The following DCAF8L2 variants were observed in gnomAD, a reference collection of about 807,000 sequenced individuals.
DCAF8L2 encodes DDB1 and CUL4 associated factor 8 like 2.
For missense variants in DCAF8L2, 430 were observed against 490.7 expected (o/e 0.88, Z 1.17); for synonymous variants, 200 against 190.9 (o/e 1.05, Z -0.39).
chrX:27,551,419 T>A, the DCAF8L2 span, among the ~76,000 whole-genome samples: 1 of 111,107 alleles, frequency 9.0e-6, no homozygotes, highest in African/African-American at 3.3e-5. Flanking sequence ...AGTATGTGTT[T>A]TTTTAGACAT....
At chrX:27,622,350 A>G (rs756167228) in intron 1 of DCAF8L2, among the ~76,000 whole-genome samples, 16 of 104,959 alleles carry the variant, frequency 1.5e-4, no homozygotes, top group South Asian at 4.0e-4. Flanking sequence ...GCGTGAACCC[A>G]GGAGGCGGAG....
intron 4 of DCAF8L2, among the ~76,000 whole-genome samples, chrX:27,743,117 C>T (rs886219813): frequency 3.7e-4 from 41 of 110,864 alleles, no homozygotes; most frequent in Non-Finnish European, 1.3e-4. Flanking sequence ...GGTCTTACTC[C>T]GTGACCCAGG....
chrX:27,727,383 T>C (rs1427333638), intron 4 of DCAF8L2, among the ~76,000 whole-genome samples: 1 of 111,364 alleles, frequency 9.0e-6, no homozygotes, highest in African/African-American at 3.3e-5. Flanking sequence ...CGTTATCTTT[T>C]GGGAAATATT....
the DCAF8L2 span, among the ~76,000 whole-genome samples, chrX:27,509,522 A>C: frequency 1.8e-5 from 2 of 112,190 alleles, no homozygotes; most frequent in African/African-American, 6.5e-5. Context: ...GTTGTAAATG[A>C]AAATTTAAAA....
intron 2 of DCAF8L2, chrX:27,633,896 TTC>T (rs764277528): frequency 4.5e-5 from 5 of 111,826 alleles, no homozygotes; most frequent in Non-Finnish European, 3.8e-5. Flanking sequence ...TAGCATATTT[TTC>T]TCTCTTTCTG....
At chrX:27,536,107 C>G in the DCAF8L2 span, among the ~76,000 whole-genome samples, 3 of 111,732 alleles carry the variant, frequency 2.7e-5, no homozygotes, top group East Asian at 5.6e-4. Flanking sequence ...ATATGGCATC[C>G]CAGATAGACT....
intron 3 of DCAF8L2, among the ~76,000 whole-genome samples, chrX:27,704,644 G>A (rs1010938795): frequency 1.4e-4 from 16 of 110,406 alleles, no homozygotes; most frequent in Non-Finnish European, 2.8e-4. Flanking sequence ...AATTTTCCAA[G>A]AAAGTAGATT....
chrX:27,499,274 A>G, the DCAF8L2 span, among the ~76,000 whole-genome samples: 1 of 111,891 alleles, frequency 8.9e-6, no homozygotes, highest in Non-Finnish European at 1.9e-5. Context: ...CCTCATAGTT[A>G]TGAGGTAATA....
At chrX:27,637,737 A>G (rs1350822241) in intron 2 of DCAF8L2, among the ~76,000 whole-genome samples, 1 of 107,876 alleles carries the variant, frequency 9.3e-6, no homozygotes, top group African/African-American at 3.4e-5. Context: ...TCAAAATTTA[A>G]TGAAAAGCAA....
chrX:27,475,745 G>A, the DCAF8L2 span, among the ~76,000 whole-genome samples: 10 of 112,007 alleles, frequency 8.9e-5, no homozygotes, highest in Admixed American at 6.7e-4. Flanking sequence ...CTCAACTAAC[G>A]AAATTAATTG....
At chrX:27,653,961 C>T (rs1486626062) in intron 2 of DCAF8L2, among the ~76,000 whole-genome samples, 1 of 111,554 alleles carries the variant, frequency 9.0e-6, no homozygotes, top group Admixed American at 9.6e-5. Flanking sequence ...TATTAACGTG[C>T]ATAAATATTC....
intron 4 of DCAF8L2, among the ~76,000 whole-genome samples, chrX:27,745,322 T>C (rs1922106633): frequency 8.9e-6 from 1 of 112,353 alleles, no homozygotes; most frequent in Admixed American, 9.4e-5. Context: ...CTTCCTTGCC[T>C]TTTTAAATGA....
At chrX:27,503,668 T>C in the DCAF8L2 span, among the ~76,000 whole-genome samples, 1 of 111,364 alleles carries the variant, frequency 9.0e-6, no homozygotes, top group Admixed American at 9.6e-5. Context: ...TCTCTCTCAA[T>C]ATCATACTAT....
chrX:27,672,345 A>T (rs1386856062), intron 2 of DCAF8L2, among the ~76,000 whole-genome samples: 1 of 111,821 alleles, frequency 8.9e-6, no homozygotes, highest in Non-Finnish European at 1.9e-5. Context: ...CTAATTAATT[A>T]TTCAGTGATA....
chrX:27,495,651 T>C, the DCAF8L2 span, among the ~76,000 whole-genome samples: 58 of 112,259 alleles, frequency 5.2e-4, no homozygotes, highest in Non-Finnish European at 7.3e-4. Context: ...ATATCATGAA[T>C]AATGCTGCTG....
the DCAF8L2 span, among the ~76,000 whole-genome samples, chrX:27,521,732 G>C: frequency 9.0e-6 from 1 of 111,275 alleles, no homozygotes; most frequent in Non-Finnish European, 1.9e-5. Context: ...ACATACTTTT[G>C]CTATTTTTCA....
In DCAF8L2 at chrX:27,622,934, A is replaced by T. The variant is rs1461180232; in HGVS notation, c.-341-8945A>T. Among the ~76,000 whole-genome samples, 13 of 111,899 alleles carry T rather than the reference A, an allele frequency of 1.2e-4. No homozygotes were observed. The Admixed American group carries it at 1.2e-3, about 11-fold the overall frequency. On this transcript the variant is annotated intron_variant, in intron 1 of 4. Transcript: ENST00000451261. Reference sequence around the variant, plus strand: ...TGTGCATTTCCCCCATGTATATTGTAGTCCACCATAAAATTTAATTAAAAT... The same window carrying T: ...TGTGCATTTCCCCCATGTATATTGTTGTCCACCATAAAATTTAATTAAAAT...
At chrX:27,737,237 T>C (rs1206213684) in intron 4 of DCAF8L2, among the ~76,000 whole-genome samples, 1 of 111,833 alleles carries the variant, frequency 8.9e-6, no homozygotes, top group Non-Finnish European at 1.9e-5. Context: ...CCAAAAGGTT[T>C]GAGAAATGCT....
the DCAF8L2 span, among the ~76,000 whole-genome samples, chrX:27,548,886 T>C: frequency 6.3e-5 from 7 of 111,978 alleles, no homozygotes; most frequent in African/African-American, 2.3e-4. Flanking sequence ...AACAGTCCTG[T>C]TACATCAGTC....
Sources: gnomAD v4.1 joint callset for allele counts (sites outside exome capture counted in the v4.1 genomes callset) on GRCh38, gnomAD v4.1.1 for gene constraint, MANE v1.5 for transcripts, NCBI Gene and HGNC (gene_info 2026-07-23, HGNC 2026-07-21) for gene names.